Variants in CNTN6 observed in about 807,000 individuals in gnomAD.
CNTN6 encodes the protein contactin 6, also known as contactin-6.
Under a neutral mutation model 122.8 loss-of-function variants are expected in CNTN6, and 137 were observed. That is an observed-to-expected ratio of 1.12 (90% CI 0.97 to 1.29). The LOEUF (loss-of-function observed/expected upper bound fraction) is 1.29, where lower values mean the gene tolerates loss of function less well. Among genes scored for constraint, CNTN6 ranks in the 50% most tolerant of loss-of-function variants. The pLI, the probability that CNTN6 is intolerant of heterozygous loss-of-function variation, is 0.00. For synonymous variants in CNTN6, 570 were observed against 426.0 expected, an observed-to-expected ratio of 1.34 and a Z score of -4.16; for missense variants, 1,634 against 1,223.4, an observed-to-expected ratio of 1.34 and a Z score of -5.01.
At chr3:1,321,290 A>G (rs1484201651) in intron 7 of CNTN6, among the ~76,000 whole-genome samples, 1 of 151,464 alleles carries the variant, frequency 6.6e-6, no homozygotes, top group Non-Finnish European at 1.5e-5. Context: ...CTATCTCTGC[A>G]CTCTATTTCT....
chr3:1,250,391 A>G (rs2094645447), intron 4 of CNTN6, among the ~76,000 whole-genome samples: 1 of 152,114 alleles, frequency 6.6e-6, no homozygotes, highest in Non-Finnish European at 1.5e-5. Flanking sequence ...ACAGGGGAAA[A>G]TGTCAGAGTC....
intron 5 of CNTN6, among the ~76,000 whole-genome samples, chr3:1,279,920 G>A (rs989144767): frequency 6.6e-6 from 1 of 152,170 alleles, no homozygotes; most frequent in African/African-American, 2.4e-5. Context: ...TGATAGGGAA[G>A]AGTTGCAATG....
intron 7 of CNTN6, among the ~76,000 whole-genome samples, chr3:1,311,183 TTATATA>T (rs755744766): frequency 2.7e-5 from 4 of 149,576 alleles, no homozygotes; most frequent in Admixed American, 2.0e-4. Flanking sequence ...TAAAATGTCT[TTATATA>T]TATAGGTGTT....
At chr3:1,183,751 A>G (rs77811193) in intron 2 of CNTN6, among the ~76,000 whole-genome samples, 11,108 of 152,218 alleles carry the variant, frequency 0.073, 503 homozygotes, top group Middle Eastern at 0.11. Flanking sequence ...TGGCTTCAAA[A>G]AAAAACACAT....
chr3:1,385,976 G>A (rs1477155930), intron 20 of CNTN6, among the ~76,000 whole-genome samples, 179 bp downstream of exon 20: 1 of 152,150 alleles, frequency 6.6e-6, no homozygotes, highest in Non-Finnish European at 1.5e-5. Context: ...CAAGGTAATT[G>A]TTTTCATATT....
In CNTN6 at chr3:1,253,622, G is replaced by T. The variant is rs908567221; in HGVS notation, c.359-24791G>T. On this transcript the variant is annotated intron_variant, in intron 4 of 22. Transcript: ENST00000446702. ...TTTCCCCAGGATGAGGGGTTGGAGGGCAGTGGTTTCAGCAGGTATTAGATT... is the reference window on the plus strand; with the variant it reads ...TTTCCCCAGGATGAGGGGTTGGAGGTCAGTGGTTTCAGCAGGTATTAGATT... Among the ~76,000 whole-genome samples the T allele has an allele frequency of 3.4e-4, 51 of 152,102 alleles. 1 individual carries two copies. The highest frequency in any genetic ancestry group is 1.8e-4 in the Non-Finnish European group (12 of 68,028).
chr3:1,367,070 T>C (rs1708335089), intron 12 of CNTN6, among the ~76,000 whole-genome samples: 1 of 152,194 alleles, frequency 6.6e-6, no homozygotes, highest in African/African-American at 2.4e-5. Flanking sequence ...ATTTGTGGGA[T>C]ATAATGTGAT....
chr3:1,133,306 T>C (rs1316463556), intron 1 of CNTN6, among the ~76,000 whole-genome samples: 6 of 152,186 alleles, frequency 3.9e-5, no homozygotes, highest in Non-Finnish European at 8.8e-5. Flanking sequence ...AACTTGATCT[T>C]TTCAATTTGG....
chr3:1,206,302 A>G (rs2093957483), intron 2 of CNTN6, among the ~76,000 whole-genome samples: 1 of 152,096 alleles, frequency 6.6e-6, no homozygotes, highest in Non-Finnish European at 1.5e-5. Flanking sequence ...ATAAGAGAAA[A>G]AAACAGAAGA....
chr3:1,147,973 T>C lies in CNTN6; in HGVS notation c.-36T>C. The C allele has an allele frequency of 1.3e-6, 2 of 1,544,824 alleles. No homozygotes were observed. The highest frequency in any genetic ancestry group is 1.1e-5 in the South Asian group (1 of 88,862). The stretch of plus-strand genomic sequence containing the variant: ...AGATAGACTGTTTTGTTCCACCTGA[T>C]TGTATGGGAGAAATTTTTGACCTTA... On this transcript the variant is annotated 5_prime_UTR_variant, in exon 2 of 23. Transcript: ENST00000446702.
intron 4 of CNTN6, among the ~76,000 whole-genome samples, chr3:1,260,749 T>C (rs115281446): frequency 0.015 from 2,235 of 152,074 alleles, 82 homozygotes; most frequent in African/African-American, 0.051. Context: ...TCTGATAATT[T>C]AAAGGGGCTT....
chr3:1,279,399 A>G (rs1692978968), intron 5 of CNTN6, among the ~76,000 whole-genome samples: 1 of 152,194 alleles, frequency 6.6e-6, no homozygotes, highest in Non-Finnish European at 1.5e-5. Context: ...TAGAAAGCTT[A>G]ATAACAGCAA....
At chr3:1,186,088 T>A (rs1217132060) in intron 2 of CNTN6, among the ~76,000 whole-genome samples, 1 of 152,148 alleles carries the variant, frequency 6.6e-6, no homozygotes, top group Non-Finnish European at 1.5e-5. Context: ...ATATAATATA[T>A]TCACATATAA....
chr3:1,105,267 G>T (rs1392647133), intron 1 of CNTN6, among the ~76,000 whole-genome samples: 1 of 151,856 alleles, frequency 6.6e-6, no homozygotes, highest in African/African-American at 2.4e-5. Context: ...TACATTTTTT[G>T]GAAAATGCAT....
intron 8 of CNTN6, 52 bp downstream of exon 8, chr3:1,321,886 T>C (rs940027413): frequency 5.6e-6 from 8 of 1,425,630 alleles, no homozygotes; most frequent in Non-Finnish European, 7.6e-6. Context: ...ATGCCCTTCA[T>C]AATAAATTGT....
intron 2 of CNTN6, among the ~76,000 whole-genome samples, chr3:1,170,394 C>G (rs2125291896): frequency 6.6e-6 from 1 of 152,066 alleles, no homozygotes; most frequent in East Asian, 1.9e-4. Flanking sequence ...GTAACGTAAG[C>G]TAAAGACCCA....
chr3:1,325,497 A>G (rs1701404495), intron 8 of CNTN6, among the ~76,000 whole-genome samples: 2 of 151,852 alleles, frequency 1.3e-5, no homozygotes, highest in African/African-American at 4.8e-5. Flanking sequence ...CCTATGTTCT[A>G]ATATTTAGCA....
intron 4 of CNTN6, among the ~76,000 whole-genome samples, chr3:1,268,287 C>G (rs901441116): frequency 6.6e-6 from 1 of 152,118 alleles, no homozygotes; most frequent in Non-Finnish European, 1.5e-5. Context: ...CAACTTGTGT[C>G]AAGTTGGAGA....
intron 1 of CNTN6, among the ~76,000 whole-genome samples, chr3:1,106,586 A>G (rs2091235160): frequency 6.6e-6 from 1 of 152,098 alleles, no homozygotes; most frequent in Non-Finnish European, 1.5e-5. Flanking sequence ...ATTTAGTAAT[A>G]AATATTAAAG....
Sources: gnomAD v4.1 joint callset for allele counts (sites outside exome capture counted in the v4.1 genomes callset) on GRCh38, gnomAD v4.1.1 for gene constraint, MANE v1.5 for transcripts, NCBI Gene and HGNC (gene_info 2026-07-23, HGNC 2026-07-21) for gene names.